The following TNFRSF10C variants were observed in gnomAD, a reference collection of about 807,000 sequenced individuals.
The protein encoded by TNFRSF10C is TNF receptor superfamily member 10c.
Under a neutral mutation model 16.7 loss-of-function variants are expected in TNFRSF10C, and 17 were observed. The ratio of observed to expected loss-of-function variants is 1.02; its 90% CI spans 0.70 to 1.53. The LOEUF is 1.53. Among genes scored for constraint, TNFRSF10C ranks in the 40% most tolerant of loss-of-function variants. The pLI is 0.00. For missense variants in TNFRSF10C, 237 were observed against 329.7 expected, an observed-to-expected ratio of 0.72 and a Z score of 2.18; for synonymous variants, 73 against 119.7, an observed-to-expected ratio of 0.61 and a Z score of 2.55.
In TNFRSF10C at chr8:23,117,156, G is replaced by T; in HGVS notation, c.*125G>T. ...CTGCTGTGTTCCCACAGACAGAAAC[G>T]CCTGCCCCTGCCCCAAGTCCTGGTG... On this transcript the variant is annotated 3_prime_UTR_variant, in exon 5 of 5. Transcript: ENST00000356864. 1 of 1,390,766 alleles carries T rather than the reference G, an allele frequency of 7.2e-7. No individual in the cohort carries two copies. Among genetic ancestry groups the T allele is most frequent in the South Asian group, 1.4e-5 (1 of 72,630 alleles). The allele number at this position is 1,390,766 out of a possible 1,614,324, so 86.2% of individuals were successfully genotyped here.
chr8:23,110,869 A>G (rs1813867853), intron 1 of TNFRSF10C, among the ~76,000 whole-genome samples: 1 of 152,200 alleles, frequency 6.6e-6, no homozygotes, highest in South Asian at 2.1e-4. Flanking sequence ...TCAATTAAAC[A>G]CTTGGTGAAA....
chr8:23,110,069 CAAAAAAAAAAAAAA>C (rs56263402), intron 1 of TNFRSF10C, among the ~76,000 whole-genome samples: 6 of 39,642 alleles, frequency 1.5e-4, no homozygotes, highest in African/African-American at 6.4e-4. Context: ...ACCCTGTCTC[CAAAAAAAAAAAAAA>C]AAAAAAAAAA....
intron 1 of TNFRSF10C, among the ~76,000 whole-genome samples, chr8:23,109,920 T>C (rs927512838): frequency 2.6e-5 from 4 of 151,532 alleles, no homozygotes; most frequent in Non-Finnish European, 5.9e-5. Flanking sequence ...GAAAATTAGA[T>C]GGGCGTTGTG....
intron 1 of TNFRSF10C, among the ~76,000 whole-genome samples, chr8:23,104,650 C>T: frequency 6.6e-6 from 1 of 152,246 alleles, no homozygotes; most frequent in East Asian, 1.9e-4. Flanking sequence ...CTGAACCCAG[C>T]TTACAGTCAC....
At chr8:23,115,819 C>A (rs1044292250) in intron 4 of TNFRSF10C, among the ~76,000 whole-genome samples, 7 of 152,074 alleles carry the variant, frequency 4.6e-5, no homozygotes, top group African/African-American at 1.7e-4. Flanking sequence ...CAGCCCCTTC[C>A]CAGACCCTCC....
intron 1 of TNFRSF10C, among the ~76,000 whole-genome samples, chr8:23,104,694 C>T (rs1813743833): frequency 6.6e-6 from 1 of 152,246 alleles, no homozygotes. Flanking sequence ...GTCCCTACAC[C>T]TTTGCTACAC....
At chr8:23,105,953 G>T (rs1813767959) in intron 1 of TNFRSF10C, among the ~76,000 whole-genome samples, 1 of 152,206 alleles carries the variant, frequency 6.6e-6, no homozygotes, top group African/African-American at 2.4e-5. Flanking sequence ...TCTCTGTCCT[G>T]CCCTTGGCCT....
chr8:23,112,584 C>T (rs1444030747), intron 2 of TNFRSF10C, among the ~76,000 whole-genome samples: 4 of 152,194 alleles, frequency 2.6e-5, no homozygotes, highest in Non-Finnish European at 5.9e-5. Flanking sequence ...CTTTCTGTGC[C>T]TGGCTTATTT....
chr8:23,114,785 G>A lies in TNFRSF10C; in HGVS notation c.280+15G>A, dbSNP rs1301135316. The A allele has an allele frequency of 2.5e-5, 41 of 1,608,478 alleles. No individual in the cohort carries two copies. The highest frequency in any genetic ancestry group is 3.2e-5 in the Non-Finnish European group (38 of 1,175,006). On this transcript the variant is annotated intron_variant, in intron 3 of 4. Transcript: ENST00000356864. ...TTGTAAATCAGGTACAGAATGTGTG[G>A]ACCTCTTGTCCAGAGGTGGAGCGTG...
chr8:23,116,607 A>G, intron 4 of TNFRSF10C, 34 bp from the exon 5 acceptor site: 3 of 1,596,782 alleles, frequency 1.9e-6, no homozygotes, highest in Non-Finnish European at 2.6e-6. Flanking sequence ...GCTTTCCCTC[A>G]GGAGTCCTCA....
At chr8:23,103,284 C>A (rs1233241873) in intron 1 of TNFRSF10C, 103 bp downstream of exon 1, 4 of 1,533,130 alleles carry the variant, frequency 2.6e-6, no homozygotes, top group Admixed American at 3.9e-5. Context: ...TGGTCACCTG[C>A]GGCCGGGCAT....
chr8:23,115,659 G>A (rs767213244), intron 4 of TNFRSF10C, 43 bp downstream of exon 4: 14 of 1,494,502 alleles, frequency 9.4e-6, no homozygotes, highest in East Asian at 6.8e-5. Context: ...TCAGGAACCC[G>A]AGAAGACCTG....
At chr8:23,109,311 T>C (rs1813834704) in intron 1 of TNFRSF10C, among the ~76,000 whole-genome samples, 1 of 152,264 alleles carries the variant, frequency 6.6e-6, no homozygotes, top group East Asian at 1.9e-4. Context: ...ATGTGAATTG[T>C]GTCTCACTAA....
intron 1 of TNFRSF10C, among the ~76,000 whole-genome samples, chr8:23,107,815 G>A (rs1378695945): frequency 6.6e-6 from 1 of 152,192 alleles, no homozygotes; most frequent in Non-Finnish European, 1.5e-5. Flanking sequence ...GAAGGGCTGA[G>A]AAAGCAAGAC....
At chr8:23,105,663 A>C (rs1165934665) in intron 1 of TNFRSF10C, among the ~76,000 whole-genome samples, 1 of 152,152 alleles carries the variant, frequency 6.6e-6, no homozygotes, top group African/African-American at 2.4e-5. Context: ...GGCTGTACTG[A>C]GAGGCCACAG....
intron 1 of TNFRSF10C, among the ~76,000 whole-genome samples, chr8:23,109,866 C>T (rs1336011100): frequency 1.3e-5 from 2 of 151,734 alleles, no homozygotes; most frequent in Non-Finnish European, 2.9e-5. Context: ...AGGAGTTAAA[C>T]CACTCTGGGC....
intron 1 of TNFRSF10C, chr8:23,103,435 T>C (rs1031681811): frequency 1.6e-6 from 1 of 636,818 alleles, no homozygotes; most frequent in South Asian, 1.9e-5. Flanking sequence ...AGTTCCAGAA[T>C]CGAGAGAGGG....
chr8:23,103,170 G>A lies in TNFRSF10C; in HGVS notation c.49G>A (p.Val17Ile), dbSNP rs1222568546. Residue 17 changes from valine to isoleucine, a missense_variant, in exon 1 of 5, where the codon GTC becomes ATC. Transcript: ENST00000356864. Reference protein sequence around the residue: ...TLKFVVVIVAVLLPVLAYSAT... With the variant: ...TLKFVVVIVAILLPVLAYSAT... ...AAAGTTCGTCGTCGTCATCGTCGCG[G>A]TCCTGCTGCCAGTGAGTCCCGGCCG... 1.9e-6 allele frequency: 3 copies of A among 1,611,378 alleles called. No homozygotes were observed. The highest frequency in any genetic ancestry group is 2.5e-6 in the Non-Finnish European group (3 of 1,179,066).
chr8:23,107,364 T>C (rs1336278476), intron 1 of TNFRSF10C, among the ~76,000 whole-genome samples: 2 of 152,200 alleles, frequency 1.3e-5, no homozygotes, highest in Admixed American at 1.3e-4. Flanking sequence ...GAGGATTACA[T>C]TGAAGAATGA....
Sources: allele counts gnomAD v4.1 joint callset (sites outside exome capture counted in the v4.1 genomes callset), GRCh38; gene constraint gnomAD v4.1.1; transcripts MANE v1.5; gene names NCBI Gene and HGNC (gene_info 2026-07-23, HGNC 2026-07-21).